ARSG: variants seen among roughly 807,000 people sequenced by gnomAD.
ARSG encodes arylsulfatase G, also known as ASG.
ARSG carries 37 observed loss-of-function variants against 50.5 expected under a neutral mutation model. That is an observed-to-expected ratio of 0.73 (90% CI 0.56 to 0.96). ARSG has a LOEUF of 0.96. Among genes scored for constraint, ARSG ranks in the 50% least tolerant of loss-of-function variants. The pLI, the probability that ARSG is intolerant of heterozygous loss-of-function variation, is 0.00. For missense variants in ARSG, 629 were observed against 675.3 expected (o/e 0.93, Z 0.76); for synonymous variants, 225 against 254.6 (o/e 0.88, Z 1.11).
At chr17:68,364,053 C>T (rs549210973) in intron 6 of ARSG, among the ~76,000 whole-genome samples, 2 of 152,240 alleles carry the variant, frequency 1.3e-5, no homozygotes, top group South Asian at 2.1e-4. Flanking sequence ...CATCTGGGGA[C>T]ACTTCTTGAG....
At chr17:68,354,022 CTTT>C (rs1239565009) in intron 5 of ARSG, among the ~76,000 whole-genome samples, 1 of 93,820 alleles carries the variant, frequency 1.1e-5, no homozygotes, top group Non-Finnish European at 2.4e-5. Context: ...TCTTCTTGTT[CTTT>C]TTTTTTTTTT....
At chr17:68,385,435 A>G (rs2147012349) in intron 9 of ARSG, among the ~76,000 whole-genome samples, 1 of 150,014 alleles carries the variant, frequency 6.7e-6, no homozygotes, top group Non-Finnish European at 1.5e-5. Context: ...AGGCTGAGGC[A>G]GGAGGATTGC....
At chr17:68,334,766 G>C (rs772042525) in intron 2 of ARSG, among the ~76,000 whole-genome samples, 3 of 152,098 alleles carry the variant, frequency 2.0e-5, no homozygotes, top group Non-Finnish European at 4.4e-5. Flanking sequence ...CAACGTGATG[G>C]TCTCTGGGTG....
At chr17:68,307,758 C>G in intron 2 of ARSG, 47 bp downstream of exon 2, 1 of 1,069,438 alleles carries the variant, frequency 9.4e-7, no homozygotes, top group Non-Finnish European at 1.4e-6. Context: ...TGTCTTACTC[C>G]CGTTCTTGAG....
At chr17:68,444,025 A>C in the ARSG span, among the ~76,000 whole-genome samples, 28 of 152,346 alleles carry the variant, frequency 1.8e-4, no homozygotes, top group South Asian at 2.1e-4. Context: ...ATATCGTCGA[A>C]GTAGAGAGAT....
chr17:68,431,990 C>T, the ARSG span, among the ~76,000 whole-genome samples: 2 of 152,146 alleles, frequency 1.3e-5, no homozygotes, highest in South Asian at 2.1e-4. Context: ...CCCATGACAA[C>T]AGATGATGAA....
rs1276197692 is a variant in ARSG, at chr17:68,381,466, G to A, written c.983-3598G>A. ...CAACTAACAGTTTTAATGTGCCAGT[G>A]CCTGATCAAAGTATGGAGGCTTATC... On this transcript the variant is annotated intron_variant, in intron 8 of 11. Coordinates refer to ENST00000621439, the MANE Select transcript of ARSG (RefSeq NM_001267727.2). This position sits in a 1 kb window ranked among gnomAD's most constrained non-coding sequence, Gnocchi z 4.1. Among the ~76,000 whole-genome samples the A allele has an allele frequency of 2.6e-5, 4 of 152,044 alleles. No homozygotes were observed. Among genetic ancestry groups the A allele is most frequent in the Admixed American group, 2.6e-4 (4 of 15,216 alleles).
intron 11 of ARSG, 89 bp from the exon 12 acceptor site, chr17:68,420,100 A>G (rs1038322897): frequency 1.2e-5 from 17 of 1,447,960 alleles, no homozygotes; most frequent in Middle Eastern, 5.1e-4. Flanking sequence ...GTATGTTTGA[A>G]TTAATGTAGA....
At chr17:68,327,699 G>A (rs772553018) in intron 2 of ARSG, among the ~76,000 whole-genome samples, 6 of 152,140 alleles carry the variant, frequency 3.9e-5, no homozygotes, top group Non-Finnish European at 7.3e-5. Context: ...CTAAGGTAGA[G>A]GGCTCAGGAC....
At chr17:68,430,551 GAC>G in the ARSG span, among the ~76,000 whole-genome samples, 2 of 152,202 alleles carry the variant, frequency 1.3e-5, no homozygotes, top group Non-Finnish European at 2.9e-5. Flanking sequence ...TGGAAGAACA[GAC>G]AGATCTCAAC....
chr17:68,379,152 G>A (rs2146920811), intron 8 of ARSG, among the ~76,000 whole-genome samples: 2 of 152,312 alleles, frequency 1.3e-5, no homozygotes. Context: ...TCTGAATAGA[G>A]GCCAGGCCGC....
At chr17:68,338,933 C>T (rs951338576) in intron 2 of ARSG, among the ~76,000 whole-genome samples, 2 of 152,186 alleles carry the variant, frequency 1.3e-5, no homozygotes, top group Non-Finnish European at 2.9e-5. Context: ...TGTTGCTGCT[C>T]AGTAAATATT....
At chr17:68,310,813 A>G (rs1479009940) in intron 2 of ARSG, among the ~76,000 whole-genome samples, 2 of 152,190 alleles carry the variant, frequency 1.3e-5, no homozygotes, top group Non-Finnish European at 2.9e-5. Flanking sequence ...ACCTCCATCA[A>G]GGTGAACTTT....
At position 68,402,576 on chromosome 17, in the gene ARSG, G is replaced by A. The variant is rs574973913; in HGVS notation, c.1303+1126G>A. On this transcript the variant is annotated intron_variant, in intron 11 of 11. Transcript: ENST00000621439. ...GTCTCGCTCTGTCACCCAGGCTGGA[G>A]TGCAGTGGCGTGATCTTGGCTCACT... Among the ~76,000 whole-genome samples the A allele has an allele frequency of 3.1e-4, 47 of 151,998 alleles. 1 individual carries two copies. Among genetic ancestry groups the A allele is most frequent in the South Asian group, 2.3e-3 (11 of 4,810 alleles).
chr17:68,388,322 A>G (rs923474464), intron 9 of ARSG, among the ~76,000 whole-genome samples: 1 of 152,040 alleles, frequency 6.6e-6, no homozygotes, highest in South Asian at 2.1e-4. Context: ...GCTTTATAGG[A>G]TGTTTAGCAG....
At chr17:68,374,539 G>A (rs2080046971) in intron 8 of ARSG, among the ~76,000 whole-genome samples, 1 of 152,072 alleles carries the variant, frequency 6.6e-6, no homozygotes, top group African/African-American at 2.4e-5. Flanking sequence ...CCCATTCTTC[G>A]AGGGAATGAT....
At chr17:68,339,635 T>G (rs1263842963) in intron 2 of ARSG, among the ~76,000 whole-genome samples, 1 of 152,234 alleles carries the variant, frequency 6.6e-6, no homozygotes, top group African/African-American at 2.4e-5. Flanking sequence ...AATACTGGTT[T>G]GTTAAATTAC....
Position 68,399,210 on chromosome 17 carries a change from C to A in ARSG, c.1213-2150C>A, listed in dbSNP as rs1240492310. Among the ~76,000 whole-genome samples the A allele has an allele frequency of 2.6e-5, 4 of 152,294 alleles. No individual in the cohort carries two copies. The highest frequency in any genetic ancestry group is 4.1e-4 in the South Asian group (2 of 4,834). On this transcript the variant is annotated intron_variant, in intron 10 of 11. Transcript: ENST00000621439. The surrounding 1 kb of genome is among the most constrained non-coding windows in gnomAD (Gnocchi z 4.6). ...TAATGTCCAGAAAGAACGCTGATCA[C>A]TTCTCTTAGGGAGGCCCCTAGTGGC...
chr17:68,268,305 A>T (rs1172325292), intron 1 of ARSG: 1 of 152,614 alleles, frequency 6.6e-6, no homozygotes, highest in Non-Finnish European at 1.5e-5. Flanking sequence ...ATATTTCTGT[A>T]TAACTAAAAG....
Sources: gnomAD v4.1 joint callset for allele counts (sites outside exome capture counted in the v4.1 genomes callset) on GRCh38, gnomAD v4.1.1 for gene constraint, Gnocchi (gnomAD v3.1) non-coding constraint, MANE v1.5 for transcripts, NCBI Gene and HGNC (gene_info 2026-07-23, HGNC 2026-07-21) for gene names.